Variants in REXO1 observed in about 807,000 individuals in gnomAD.
REXO1 encodes RNA exonuclease 1 homolog, also known as REX1, RNA exonuclease 1 homolog.
In REXO1, 42 loss-of-function variants were observed where a neutral mutation model predicts 102.6. The ratio of observed to expected loss-of-function variants is 0.41; its 90% CI spans 0.32 to 0.53. The LOEUF (loss-of-function observed/expected upper bound fraction) is 0.53. Ranked by LOEUF, REXO1 falls within the 20% of genes least tolerant of loss-of-function variation. The pLI is 0.27. For synonymous variants in REXO1, 908 were observed against 779.1 expected, an observed-to-expected ratio of 1.17 and a Z score of -2.76; for missense variants, 1,819 against 1,732.5, an observed-to-expected ratio of 1.05 and a Z score of -0.89.
Position 1,827,409 on chromosome 19 carries a change from G to A in REXO1, c.1380C>T (p.Pro460=), listed in dbSNP as rs754567493. 209 of 1,543,576 alleles carry A rather than the reference G, an allele frequency of 1.4e-4. No homozygotes were observed. Among genetic ancestry groups the A allele is most frequent in the South Asian group, 2.0e-4 (17 of 84,458 alleles). ...RPDRPARRPS[P]TSGDSRPAAG... ...CCGCCGGTCGGGAGTCCCCGCTTGT[G>A]GGGCTCGGCCGCCGCGCTGGCCGGT... The change falls in exon 2 of 16, where the codon CCC becomes CCT. Residue 460 remains proline, a synonymous_variant. Transcript: ENST00000170168.
At chr19:1,847,260 A>AAT (rs2011584604) in intron 1 of REXO1, among the ~76,000 whole-genome samples, 1 of 152,222 alleles carries the variant, frequency 6.6e-6, no homozygotes, top group African/African-American at 2.4e-5. Flanking sequence ...AAAACAGGAA[A>AAT]ATAAACCTAT....
Position 1,848,396 on chromosome 19 carries a change from C to CGGGCCCCA in REXO1, c.-46_-39dup. 8.5e-7 allele frequency: 1 copy of CGGGCCCCA among 1,180,884 alleles called. No homozygotes were observed. The highest frequency in any genetic ancestry group is 1.1e-6 in the Non-Finnish European group (1 of 950,614). The allele number at this position is 1,180,884 out of a possible 1,614,324, so 73.2% of individuals were successfully genotyped here. A position where few individuals can be genotyped will look rare whatever the true frequency, so the allele number is the denominator to read the frequency against. On this transcript the variant is annotated 5_prime_UTR_variant, in exon 1 of 16. Transcript: ENST00000170168. ...GGCGGGGCCCCGGCCCGGAGCCGCC[C>CGGGCCCCA]GGGCCCCAGGGCCCCCTCACTGGCG...
chr19:1,824,266 C>G (rs1320907215), intron 3 of REXO1: 1 of 153,126 alleles, frequency 6.5e-6, no homozygotes, highest in Non-Finnish European at 1.5e-5. Flanking sequence ...CACTGGAGCT[C>G]AGAGCTGGAC....
In REXO1 at chr19:1,815,795, G is replaced by A. The variant is rs1201284490; in HGVS notation, c.*271C>T. The A allele has an allele frequency of 1.4e-6, 2 of 1,465,482 alleles. No homozygotes were observed. The highest frequency in any genetic ancestry group is 2.7e-5 in the South Asian group (2 of 75,418). The allele number at this position is 1,465,482 out of a possible 1,614,324, so 90.8% of individuals were successfully genotyped here. On this transcript the variant is annotated 3_prime_UTR_variant, in exon 16 of 16. Coordinates refer to ENST00000170168, the MANE Select transcript of REXO1 (RefSeq NM_020695.4). This position sits in a 1 kb window ranked among gnomAD's most constrained non-coding sequence, Gnocchi z 4.0. ...GCAGGAGGGGCTGCGGGCCGGGTGG[G>A]GGCGGGCTCTGTCCTGGTCTCCATC...
chr19:1,843,157 TCCCCGGGCCCAGAGCCGCAGC>T (rs2011371675), intron 1 of REXO1, among the ~76,000 whole-genome samples: 1 of 149,456 alleles, frequency 6.7e-6, no homozygotes, highest in Non-Finnish European at 1.5e-5. Context: ...GGGTCCCAGC[TCCCCGGGCCCAGAGCCGCAGC>T]TGGGCGAAGC....
chr19:1,817,262 G>A lies in REXO1; in HGVS notation c.3158C>T (p.Ser1053Leu). ...GFVKTFEKEL[S>L]GDTHPGIYAL... ...GTAGATCCCCGGGTGGGTGTCTCCT[G>A]AGAGCTCTTTCTCAAAGGTCTTCAC... Residue 1053 changes from serine to leucine, a missense_variant, in exon 12 of 16, where the codon TCA becomes TTA. Coordinates refer to ENST00000170168, the MANE Select transcript of REXO1 (RefSeq NM_020695.4). 2 of 1,613,166 alleles carry A rather than the reference G, an allele frequency of 1.2e-6. No individual in the cohort carries two copies. The highest frequency in any genetic ancestry group is 1.7e-6 in the Non-Finnish European group (2 of 1,180,008).
intron 1 of REXO1, among the ~76,000 whole-genome samples, chr19:1,839,824 G>A (rs962307550): frequency 2.4e-4 from 36 of 152,250 alleles, no homozygotes; most frequent in Non-Finnish European, 4.1e-4. Flanking sequence ...GGGATACAGA[G>A]GTGGAAGGCA....
At position 1,818,482 on chromosome 19, in the gene REXO1, C is replaced by A; in HGVS notation, c.3016G>T (p.Val1006Leu). 6.3e-7 allele frequency: 1 copy of A among 1,594,422 alleles called. No individual in the cohort carries two copies. Among genetic ancestry groups the A allele is most frequent in the South Asian group, 1.1e-5 (1 of 88,326 alleles). The change falls in exon 10 of 16, where the codon GTG becomes TTG. Residue 1006 changes from valine to leucine, a missense_variant and splice_region_variant. By Grantham distance (32) the Val-to-Leu change is conservative (BLOSUM62 1). Transcript: ENST00000170168. Reference sequence around the variant, plus strand: ...GGGAAGGACCCGGGTAAGGCCTTACCCCGGTTCCGGCGCAGCCGTCCCCAG... The same window carrying A: ...GGGAAGGACCCGGGTAAGGCCTTACACCGGTTCCGGCGCAGCCGTCCCCAG... ...YHWGRLRRNRVAGGWETQYMC... is the reference protein window; with the variant it reads ...YHWGRLRRNRLAGGWETQYMC...
chr19:1,842,033 A>G (rs1204938441), intron 1 of REXO1, among the ~76,000 whole-genome samples: 1 of 152,148 alleles, frequency 6.6e-6, no homozygotes, highest in East Asian at 1.9e-4. Context: ...CAACATGGTG[A>G]AACCCCATCT....
intron 1 of REXO1, among the ~76,000 whole-genome samples, chr19:1,841,781 C>A (rs368075973): frequency 6.6e-6 from 1 of 152,114 alleles, no homozygotes; most frequent in Admixed American, 6.5e-5. Flanking sequence ...CCAGCAGGCA[C>A]GCTTGTCCCC....
chr19:1,821,543 T>G lies in REXO1; in HGVS notation c.2370A>C (p.Arg790=), dbSNP rs771100066. ...SKTTTTIIPK[R]IAHSPSLQSL... ...CCTGTAAGGATGGACTGTGGGCGAT[T>G]CGCTTAGGGATGATGGTGGTGGTAG... Residue 790 remains arginine (R), a synonymous_variant, in exon 5 of 16, where the codon CGA becomes CGC. Transcript: ENST00000170168. The G allele has an allele frequency of 4.3e-6, 7 of 1,613,508 alleles. No homozygotes were observed. In the East Asian group the frequency reaches 1.6e-4, roughly 36 times the overall value.
intron 1 of REXO1, among the ~76,000 whole-genome samples, chr19:1,839,255 CA>C (rs56278521): frequency 0.034 from 4,468 of 133,292 alleles, 195 homozygotes; most frequent in African/African-American, 0.11. Context: ...ACTCTATCTC[CA>C]AAAAAAAAAA....
chr19:1,823,695 T>A lies in REXO1; in HGVS notation c.2107A>T (p.Arg703Trp). The change falls in exon 4 of 16, where the codon AGG (arginine) becomes TGG (tryptophan). Residue 703 changes from arginine (R) to tryptophan (W), a missense_variant. Physicochemically the swap from Arg to Trp is moderately radical, Grantham distance 101 (BLOSUM62 -3). Transcript: ENST00000170168. ...GCCTGCAGCAAGCTCGCCGATGCCC[T>A]CTGCGCCTGCTGGGCCCGCAGGTAG... ...VCYLRAQQAQRASASLLQAPA... is the reference protein window; with the variant it reads ...VCYLRAQQAQWASASLLQAPA... 1 of 1,281,914 alleles carries A rather than the reference T, an allele frequency of 7.8e-7. No homozygotes were observed. Among genetic ancestry groups the A allele is most frequent in the South Asian group, 3.2e-5 (1 of 31,286 alleles). 79.4% of individuals were successfully genotyped at this position (1,281,914 alleles called of 1,614,324 possible).
intron 10 of REXO1, 136 bp from the exon 11 acceptor site, chr19:1,817,916 G>T: frequency 1.5e-6 from 1 of 678,784 alleles, no homozygotes; most frequent in Non-Finnish European, 2.5e-6. Flanking sequence ...TCTTGGTGGA[G>T]CTGGAAGCAG....
chr19:1,821,827 T>C, intron 4 of REXO1, 145 bp from the exon 5 acceptor site: 1 of 703,438 alleles, frequency 1.4e-6, no homozygotes, highest in African/African-American at 1.8e-5. Context: ...GGGCTGGGGC[T>C]GCGCAATGGC....
chr19:1,828,033 A>G lies in REXO1; in HGVS notation c.756T>C (p.Asp252=). 1 of 1,612,644 alleles carries G rather than the reference A, an allele frequency of 6.2e-7. No homozygotes were observed. The highest frequency in any genetic ancestry group is 1.1e-5 in the South Asian group (1 of 90,998). ...CCCGGGGCCGCTTGGCGGCCCGCTC[A>G]TCCCGGGAGCTGGCCCTGCTGAGGT... ...ARHLSRASSR[D]ERAAKRPRGS... The change falls in exon 2 of 16, where the codon GAT becomes GAC. Residue 252 remains aspartate (D), a synonymous_variant. Coordinates refer to ENST00000170168, the MANE Select transcript of REXO1 (RefSeq NM_020695.4).
At chr19:1,817,544 TGGGGCCTACG>T in intron 11 of REXO1, 153 bp downstream of exon 11, 1 of 1,459,168 alleles carries the variant, frequency 6.9e-7, no homozygotes, top group Non-Finnish European at 9.1e-7. Flanking sequence ...GGACAGGGCC[TGGGGCCTACG>T]GGTGCTACGT....
Position 1,816,775 on chromosome 19 carries a change from C to T in REXO1, c.3240G>A (p.Thr1080=), listed in dbSNP as rs754886342. 54 of 1,612,792 alleles carry T rather than the reference C, an allele frequency of 3.3e-5. No individual in the cohort carries two copies. The highest frequency in any genetic ancestry group is 3.8e-5 in the Non-Finnish European group (45 of 1,179,946). ...TTYGLELTRV[T]VVDTDVHVVY... is the part of the protein sequence containing the mutation. ...CCACGTGCACGTCCGTGTCGACCAC[C>T]GTGACGCGCGTCAGCTCCAGGCCAT... Residue 1080 remains threonine, a synonymous_variant, in exon 13 of 16, where the codon ACG becomes ACA. Coordinates refer to ENST00000170168, the MANE Select transcript of REXO1 (RefSeq NM_020695.4).
At chr19:1,825,990 A>G (rs1255412432) in intron 2 of REXO1, 47 bp from the exon 3 acceptor site, 4 of 1,359,370 alleles carry the variant, frequency 2.9e-6, no homozygotes, top group Non-Finnish European at 4.2e-6. Flanking sequence ...CTCGCTGCCA[A>G]CACCAACACA....
Sources: allele counts gnomAD v4.1 joint callset (sites outside exome capture counted in the v4.1 genomes callset), GRCh38; gene constraint gnomAD v4.1.1; non-coding constraint Gnocchi (gnomAD v3.1); transcripts MANE v1.5; gene names NCBI Gene and HGNC (gene_info 2026-07-23, HGNC 2026-07-21).